Variants in PCDHGA1 observed in about 807,000 individuals in gnomAD.
PCDHGA1 encodes the protein protocadherin gamma-A1.
In PCDHGA1, 32 loss-of-function variants were observed where a neutral mutation model predicts 58.0. That is an observed-to-expected ratio of 0.55 (90% confidence interval 0.42 to 0.74). The LOEUF (loss-of-function observed/expected upper bound fraction) is 0.74. Among genes scored for constraint, PCDHGA1 ranks in the 30% least tolerant of loss-of-function variants. The pLI is 0.00. For synonymous variants in PCDHGA1, 498 were observed against 501.1 expected (o/e 0.99, Z 0.08); for missense variants, 1,205 against 1,182.3 (o/e 1.02, Z -0.28).
rs1407774111 is a variant in PCDHGA1 at position 141,431,569 on chromosome 5, C to G, written c.2422-63238C>G. On this transcript the variant is annotated intron_variant, in intron 1 of 3. Transcript: ENST00000517417. The surrounding 1 kb of genome is among the most constrained non-coding windows in gnomAD (Gnocchi z 4.8). Reference sequence around the variant, plus strand: ...TTGTAGTCAACGCTACCGACCCTGACGAAGGAGTCAATGCGGAAGTGAGGT... The same window carrying G: ...TTGTAGTCAACGCTACCGACCCTGAGGAAGGAGTCAATGCGGAAGTGAGGT... 5.6e-6 allele frequency: 9 copies of G among 1,614,000 alleles called. No homozygotes were observed. Among genetic ancestry groups the G allele is most frequent in the African/African-American group, 2.7e-5 (2 of 74,932 alleles).
At chr5:141,352,498 T>C in intron 1 of PCDHGA1, 1 of 1,614,030 alleles carries the variant, frequency 6.2e-7, no homozygotes. Flanking sequence ...CTTTGCCCTA[T>C]TCCTACAATC....
At chr5:141,488,525 G>A (rs1040463796) in intron 1 of PCDHGA1, among the ~76,000 whole-genome samples, 1 of 152,182 alleles carries the variant, frequency 6.6e-6, no homozygotes, top group African/African-American at 2.4e-5. Flanking sequence ...TGGGGTGTCA[G>A]AAAAGCTAAG....
At chr5:141,362,027 C>T in intron 1 of PCDHGA1, 2 of 1,608,844 alleles carry the variant, frequency 1.2e-6, no homozygotes, top group Non-Finnish European at 1.7e-6. Flanking sequence ...ACAGCGCGTG[C>T]CTTGGGCGAC....
chr5:141,465,761 G>A (rs1040750106), intron 1 of PCDHGA1, among the ~76,000 whole-genome samples: 2 of 151,634 alleles, frequency 1.3e-5, no homozygotes, highest in African/African-American at 4.8e-5. Flanking sequence ...GTAAAGTCAT[G>A]TTTCATCTCT....
chr5:141,371,859 T>A (rs1314195914), intron 1 of PCDHGA1: 1 of 1,613,576 alleles, frequency 6.2e-7, no homozygotes, highest in Non-Finnish European at 8.5e-7. Context: ...CCTTGTCTCC[T>A]ACTACATCGT....
chr5:141,390,537 A>G (rs565157857), intron 1 of PCDHGA1: 629 of 520,554 alleles, frequency 1.2e-3, no homozygotes, highest in Non-Finnish European at 1.9e-3. Context: ...GGTTTTAACC[A>G]CAAAGTGAAA....
rs187713374 is a variant in PCDHGA1, at chr5:141,430,744, C to G, written c.2422-64063C>G. 2.5e-4 allele frequency: 380 copies of G among 1,498,404 alleles called. 1 individual carries two copies. In the African/African-American group the frequency reaches 4.6e-3, roughly 18 times the overall value. The allele number at this position is 1,498,404 out of a possible 1,614,324, so 92.8% of individuals were successfully genotyped here. A position where few individuals can be genotyped will look rare whatever the true frequency, so the allele number is the denominator to read the frequency against. ...GTTAAGGGCAGAATTGAAAATAATTCTGGAGGAAGATAAGAATGATTCCTG... is the reference window on the plus strand; with the variant it reads ...GTTAAGGGCAGAATTGAAAATAATTGTGGAGGAAGATAAGAATGATTCCTG... On this transcript the variant is annotated intron_variant, in intron 1 of 3. Coordinates refer to ENST00000517417, the MANE Select transcript of PCDHGA1 (RefSeq NM_018912.3).
intron 1 of PCDHGA1, chr5:141,427,786 C>G: frequency 1.4e-6 from 2 of 1,477,082 alleles, no homozygotes; most frequent in Non-Finnish European, 1.9e-6. Flanking sequence ...GCACTGTCGT[C>G]CTACGTGTCC....
At chr5:141,376,310 G>T in intron 1 of PCDHGA1, 1 of 1,613,946 alleles carries the variant, frequency 6.2e-7, no homozygotes, top group Non-Finnish European at 8.5e-7. Context: ...CTTTGTGGGC[G>T]TGGAAGGGGT....
At chr5:141,389,283 G>C in intron 1 of PCDHGA1, 1 of 1,614,022 alleles carries the variant, frequency 6.2e-7, no homozygotes. Flanking sequence ...CCCGCCTGGA[G>C]CCTCTATTTC....
chr5:141,418,986 C>T, intron 1 of PCDHGA1: 1 of 1,613,930 alleles, frequency 6.2e-7, no homozygotes, highest in Non-Finnish European at 8.5e-7. Context: ...GACCAAGACT[C>T]AGGGGAAAAT....
intron 1 of PCDHGA1, among the ~76,000 whole-genome samples, chr5:141,488,305 T>C (rs1452293355): frequency 6.6e-6 from 1 of 152,234 alleles, no homozygotes; most frequent in African/African-American, 2.4e-5. Context: ...AAATCACTTA[T>C]GTCAGAAAAC....
At chr5:141,482,530 CAAA>C (rs3074545) in intron 1 of PCDHGA1, among the ~76,000 whole-genome samples, 29 of 76,552 alleles carry the variant, frequency 3.8e-4, no homozygotes, top group African/African-American at 9.1e-4. Context: ...GACAGACATG[CAAA>C]AAAAAAAAAA....
intron 1 of PCDHGA1, chr5:141,366,682 C>A: frequency 6.2e-7 from 1 of 1,614,238 alleles, no homozygotes; most frequent in Non-Finnish European, 8.5e-7. Flanking sequence ...GTGAAGAGAG[C>A]TGTGAGAAAA....
At chr5:141,425,686 A>C (rs1026122573) in intron 1 of PCDHGA1, among the ~76,000 whole-genome samples, 4 of 152,252 alleles carry the variant, frequency 2.6e-5, no homozygotes, top group Non-Finnish European at 5.9e-5. Context: ...AATACTGCAT[A>C]TCATTTCATA....
At chr5:141,467,360 C>T (rs965838962) in intron 1 of PCDHGA1, among the ~76,000 whole-genome samples, 3 of 152,010 alleles carry the variant, frequency 2.0e-5, no homozygotes, top group Non-Finnish European at 4.4e-5. Context: ...GCCAAATCAA[C>T]GTTTTCTTAT....
At chr5:141,346,999 T>C (rs906350412) in intron 1 of PCDHGA1, among the ~76,000 whole-genome samples, 2 of 149,218 alleles carry the variant, frequency 1.3e-5, no homozygotes, top group African/African-American at 5.2e-5. Context: ...TTTTTCTTTC[T>C]CCTTCCTTCC....
Position 141,495,452 on chromosome 5 carries a change from CTCTG to C in PCDHGA1, c.2480+593_2480+596del, listed in dbSNP as rs550877100. ...GTCCTCTGCCCCTACTTGTCCTGCTCTCTGTCTGTGGGGTCTCCGTGTCTCTGCC... is the reference window on the plus strand; with the variant it reads ...GTCCTCTGCCCCTACTTGTCCTGCTCTCTGTGGGGTCTCCGTGTCTCTGCC... On this transcript the variant is annotated intron_variant, in intron 2 of 3. Coordinates refer to ENST00000517417, the MANE Select transcript of PCDHGA1 (RefSeq NM_018912.3). 5.6e-4 allele frequency among the ~76,000 whole-genome samples: 85 copies of C among 152,356 alleles called. 1 individual carries two copies. Among genetic ancestry groups the C allele is most frequent in the Admixed American group, 3.5e-3 (53 of 15,310 alleles).
At chr5:141,355,706 G>T in intron 1 of PCDHGA1, 1 of 1,613,984 alleles carries the variant, frequency 6.2e-7, no homozygotes, top group South Asian at 1.1e-5. Flanking sequence ...TCCCTGCAGG[G>T]TTACCAGCTC....
Sources: allele counts gnomAD v4.1 joint callset (sites outside exome capture counted in the v4.1 genomes callset), GRCh38; gene constraint gnomAD v4.1.1; non-coding constraint Gnocchi (gnomAD v3.1); transcripts MANE v1.5; gene names NCBI Gene and HGNC (gene_info 2026-07-23, HGNC 2026-07-21).